Variants in NME6 observed in about 807,000 individuals in gnomAD.
NME6 encodes NME/NM23 nucleoside diphosphate kinase 6, also known as nucleoside diphosphate kinase 6, mitochondrial.
NME6 carries 16 observed loss-of-function variants against 22.2 expected under a neutral mutation model. The ratio of observed to expected loss-of-function variants is 0.72; its 90% CI spans 0.49 to 1.09. The LOEUF (loss-of-function observed/expected upper bound fraction) is 1.09, where lower values mean the gene tolerates loss of function less well. Ranked by LOEUF, NME6 falls within the 50% of genes least tolerant of loss-of-function variation. NME6 has a pLI of 0.00. For missense variants in NME6, 229 were observed against 239.0 expected, an observed-to-expected ratio of 0.96 and a Z score of 0.28; for synonymous variants, 58 against 85.2, an observed-to-expected ratio of 0.68 and a Z score of 1.76.
downstream of NME6, chr3:48,290,786 G>GC (rs1261000880): frequency 6.2e-6 from 1 of 161,928 alleles, no homozygotes; most frequent in African/African-American, 2.4e-5. Flanking sequence ...AGGAACTTGG[G>GC]CAAGAATTAG....
intron 2 of NME6, chr3:48,298,098 T>G (rs1269536631): frequency 3.0e-6 from 1 of 335,602 alleles, no homozygotes; most frequent in Admixed American, 4.5e-5. Context: ...CTACTGGACC[T>G]CTAAACTACT....
chr3:48,288,672 C>A (rs2034282416), downstream of NME6: 1 of 151,576 alleles, frequency 6.6e-6, no homozygotes, highest in Admixed American at 6.6e-5. Context: ...CCCTTTCTCA[C>A]TGCTGCACTT....
downstream of NME6, chr3:48,291,009 G>T: frequency 3.5e-6 from 1 of 283,932 alleles, no homozygotes; most frequent in Non-Finnish European, 6.9e-6. Context: ...TTCAAATTTT[G>T]GATCCTTGGC....
chr3:48,294,037 G>A lies in NME6; in HGVS notation c.*600C>T, dbSNP rs373204181. 3.3e-5 allele frequency: 5 copies of A among 151,494 alleles called. No individual in the cohort carries two copies. Among genetic ancestry groups the A allele is most frequent in the African/African-American group, 9.7e-5 (4 of 41,308 alleles). The allele number at this position is 151,494 out of a possible 1,614,324, so 9.4% of individuals were successfully genotyped here. On this transcript the variant is annotated 3_prime_UTR_variant, in exon 6 of 6. Coordinates refer to ENST00000442597, the MANE Select transcript of NME6 (RefSeq NM_001308426.2). Reference sequence around the variant, plus strand: ...TTTTATTGAGGAAGACAGGTCAAATGTTGTTTGGAGTCACTGCATTTTTTA... The same window carrying A: ...TTTTATTGAGGAAGACAGGTCAAATATTGTTTGGAGTCACTGCATTTTTTA...
At chr3:48,299,135 G>A in intron 1 of NME6, 1 of 543,460 alleles carries the variant, frequency 1.8e-6, no homozygotes, top group Non-Finnish European at 3.3e-6. Context: ...TAACACTGAG[G>A]TCAACACACA....
At chr3:48,288,089 T>C (rs2034260239), downstream of NME6, among the ~76,000 whole-genome samples, 1 of 152,106 alleles carries the variant, frequency 6.6e-6, no homozygotes, top group South Asian at 2.1e-4. Context: ...TTTTCTTTTT[T>C]AGCTTAAAAG....
chr3:48,289,095 G>A (rs1031811434), downstream of NME6, among the ~76,000 whole-genome samples: 4 of 150,814 alleles, frequency 2.7e-5, no homozygotes, highest in African/African-American at 4.9e-5. Flanking sequence ...ACGGAGTTTC[G>A]CTCTTGTTGC....
intron 4 of NME6, 179 bp from the exon 5 acceptor site, chr3:48,295,414 G>T: frequency 1.6e-6 from 1 of 634,214 alleles, no homozygotes; most frequent in Non-Finnish European, 2.6e-6. Flanking sequence ...CATCAAGCCT[G>T]CAGAGATCAG....
At chr3:48,299,591 T>A (rs377718367) in intron 1 of NME6, among the ~76,000 whole-genome samples, 1 of 146,518 alleles carries the variant, frequency 6.8e-6, no homozygotes, top group East Asian at 2.0e-4. Context: ...ATATATATAA[T>A]ATATATGTGT....
At position 48,294,577 on chromosome 3, in the gene NME6, G is replaced by C; in HGVS notation, c.*60C>G. ...CAGGCTTCCCTGGTCCTAGGAGAAT[G>C]TTTTAGACTAGATGTCTAGGAGAAG... On this transcript the variant is annotated 3_prime_UTR_variant, in exon 6 of 6. Coordinates refer to ENST00000442597, the MANE Select transcript of NME6 (RefSeq NM_001308426.2). 4 of 1,574,688 alleles carry C rather than the reference G, an allele frequency of 2.5e-6. No individual in the cohort carries two copies. The South Asian group carries it at 4.5e-5, about 18-fold the overall frequency.
chr3:48,299,990 A>G (rs1487730658), intron 1 of NME6, among the ~76,000 whole-genome samples: 1 of 152,066 alleles, frequency 6.6e-6, no homozygotes, highest in East Asian at 1.9e-4. Context: ...CCTACCTAAT[A>G]TATCTCAAAA....
chr3:48,300,047 ACAT>A (rs2035530441), intron 1 of NME6, among the ~76,000 whole-genome samples: 1 of 152,130 alleles, frequency 6.6e-6, no homozygotes, highest in African/African-American at 2.4e-5. Flanking sequence ...TAACTCTAAG[ACAT>A]CATCATTCCC....
intron 1 of NME6, among the ~76,000 whole-genome samples, chr3:48,299,654 T>C (rs2035493707): frequency 6.6e-6 from 1 of 152,128 alleles, no homozygotes; most frequent in South Asian, 2.1e-4. Context: ...TCCATTAACA[T>C]AGGCAGGGAC....
At chr3:48,299,680 T>C (rs962484911) in intron 1 of NME6, among the ~76,000 whole-genome samples, 2 of 152,030 alleles carry the variant, frequency 1.3e-5, no homozygotes, top group African/African-American at 2.4e-5. Context: ...CTAGACAACA[T>C]TCTCATTTAT....
intron 5 of NME6, 22 bp downstream of exon 5, chr3:48,295,053 T>C: frequency 6.2e-7 from 1 of 1,606,298 alleles, no homozygotes; most frequent in Non-Finnish European, 8.5e-7. Flanking sequence ...AAATATCCTA[T>C]GGCTATGGAC....
At position 48,294,378 on chromosome 3, in the gene NME6, GCTT is replaced by G. The variant is rs912044701; in HGVS notation, c.*256_*258del. On this transcript the variant is annotated 3_prime_UTR_variant, in exon 6 of 6. Coordinates refer to ENST00000442597, the MANE Select transcript of NME6 (RefSeq NM_001308426.2). ...TGAGCCACCGTGCCCGGCCTGGCAA[GCTT>G]CTTCTTGAAGAAGGATGAACAGTTC... is the stretch of plus-strand genomic sequence containing the variant. 1 of 366,998 alleles carries G rather than the reference GCTT, an allele frequency of 2.7e-6. No homozygotes were observed. The highest frequency in any genetic ancestry group is 2.0e-5 in the African/African-American group (1 of 49,880). 22.7% of individuals were successfully genotyped at this position (366,998 alleles called of 1,614,324 possible).
downstream of NME6, among the ~76,000 whole-genome samples, chr3:48,287,797 G>A (rs1159693203): frequency 6.6e-6 from 1 of 152,140 alleles, no homozygotes; most frequent in Non-Finnish European, 1.5e-5. Flanking sequence ...CAAGAAGGAA[G>A]CAGAGTACAT....
At position 48,294,723 on chromosome 3, in the gene NME6, G is replaced by T. The variant is rs1298778198; in HGVS notation, c.475C>A (p.Pro159Thr). The T allele has an allele frequency of 6.2e-7, 1 of 1,614,138 alleles. No homozygotes were observed. The highest frequency in any genetic ancestry group is 8.5e-7 in the Non-Finnish European group (1 of 1,180,018). ...SEQRWYEEEEPQLRCGPVCYS... is the reference protein window; with the variant it reads ...SEQRWYEEEETQLRCGPVCYS... ...CACACAGGGCCACAGCGCAACTGGG[G>T]CTCTTCCTCCTCATACCAGCGCTGT... Residue 159 changes from proline to threonine, a missense_variant, in exon 6 of 6, where the codon CCC (proline) becomes ACC (threonine). Transcript: ENST00000442597.
chr3:48,298,312 G>T, intron 2 of NME6, 115 bp downstream of exon 2: 1 of 899,978 alleles, frequency 1.1e-6, no homozygotes, highest in Non-Finnish European at 1.8e-6. Flanking sequence ...TTCTAGCTTT[G>T]CCTCCACAGC....
Sources: allele counts gnomAD v4.1 joint callset (sites outside exome capture counted in the v4.1 genomes callset), GRCh38; gene constraint gnomAD v4.1.1; transcripts MANE v1.5; gene names NCBI Gene and HGNC (gene_info 2026-07-23, HGNC 2026-07-21).